The following OFD1 variants were observed in gnomAD, a reference collection of about 807,000 sequenced individuals.
The protein encoded by OFD1 is centriole and centriolar satellite protein OFD1.
A neutral mutation model predicts 81.4 loss-of-function variants in OFD1; 12 were observed. The observed-to-expected ratio is 0.15, with a 90% CI of 0.09 to 0.24. OFD1 has a LOEUF of 0.24. OFD1 is among the 10% of genes least tolerant of loss of function. OFD1 has a pLI of 1.00. For missense variants in OFD1, 685 were observed against 733.9 expected (o/e 0.93, Z 0.77); for synonymous variants, 256 against 263.7 (o/e 0.97, Z 0.28).
chrX:13,725,074 C>T, the OFD1 span, among the ~76,000 whole-genome samples: 1 of 113,032 alleles, frequency 8.8e-6, no homozygotes, highest in Non-Finnish European at 1.9e-5. Context: ...GCTGAGGCTT[C>T]AGTAGGTAAA....
downstream of OFD1, among the ~76,000 whole-genome samples, chrX:13,769,990 C>T (rs1305967631): frequency 8.9e-6 from 1 of 111,961 alleles, no homozygotes; most frequent in Non-Finnish European, 1.9e-5. Context: ...ATTATGGAAC[C>T]TTTGGTCCTC....
chrX:13,740,913 C>T (rs1447554578), intron 5 of OFD1, among the ~76,000 whole-genome samples: 3 of 109,256 alleles, frequency 2.7e-5, no homozygotes, highest in East Asian at 2.9e-4. Context: ...CTGAGGCGGG[C>T]GGATCACGAG....
At chrX:13,731,441 G>C (rs773852074), upstream of OFD1, among the ~76,000 whole-genome samples, 6 of 112,386 alleles carry the variant, frequency 5.3e-5, no homozygotes, top group East Asian at 1.7e-3. Context: ...ACTAGAACAA[G>C]TCATACCAAA....
chrX:13,765,507 A>G (rs2048092203), intron 19 of OFD1, among the ~76,000 whole-genome samples: 1 of 111,592 alleles, frequency 9.0e-6, no homozygotes, highest in South Asian at 3.8e-4. Flanking sequence ...ATTTCATGAG[A>G]AGGATTCAGA....
chrX:13,730,470 G>T (rs1294737250), upstream of OFD1, among the ~76,000 whole-genome samples: 1 of 112,025 alleles, frequency 8.9e-6, no homozygotes, highest in African/African-American at 3.2e-5. Context: ...CTGTTGGTGG[G>T]AGTGTAAATT....
At position 13,740,315 on chromosome X, in the gene OFD1, C is replaced by G. The variant is rs1374469899; in HGVS notation, c.412+1283C>G. On this transcript the variant is annotated intron_variant, in intron 5 of 22. Transcript: ENST00000340096. Reference sequence around the variant, plus strand: ...GCTGTTTAATGTGGTAGCTGCTATCCTCATGTGGCTTTTGAGCCTTGAAAT... The same window carrying G: ...GCTGTTTAATGTGGTAGCTGCTATCGTCATGTGGCTTTTGAGCCTTGAAAT... 3 of 433,073 alleles carry G rather than the reference C, an allele frequency of 6.9e-6. No individual in the cohort carries two copies. In the East Asian group the frequency reaches 2.8e-4, roughly 40 times the overall value. 35.7% of individuals were successfully genotyped at this position (433,073 alleles called of 1,213,427 possible). A position where few individuals can be genotyped will look rare whatever the true frequency, so the allele number is the denominator to read the frequency against.
At chrX:13,763,464 G>C (rs776283012) in intron 18 of OFD1, among the ~76,000 whole-genome samples, 6 of 112,755 alleles carry the variant, frequency 5.3e-5, no homozygotes, top group Non-Finnish European at 9.4e-5. Flanking sequence ...TGATCAGCAA[G>C]CCAATTGAAT....
Position 13,744,474 on chromosome X carries a change from A to G in OFD1, c.472A>G (p.Asn158Asp). ...AEYHQAKESC[N>D]METQTSSTFN... is the part of the protein sequence containing the mutation. ...ATATCATCAAGCTAAAGAGAGTTGT[A>G]ATATGGAAACTCAGACAAGTTCGAC... Residue 158 changes from asparagine to aspartate, a missense_variant, in exon 6 of 23, where the codon AAT (asparagine) becomes GAT (aspartate). Coordinates refer to ENST00000340096, the MANE Select transcript of OFD1 (RefSeq NM_003611.3). 6.7e-6 allele frequency: 8 copies of G among 1,188,145 alleles called. No homozygotes were observed. Among genetic ancestry groups the G allele is most frequent in the Non-Finnish European group, 9.1e-6 (8 of 874,775 alleles).
chrX:13,762,520 G>T, intron 18 of OFD1, 76 bp downstream of exon 18: 1 of 640,972 alleles, frequency 1.6e-6, no homozygotes, highest in Non-Finnish European at 2.5e-6. Context: ...CGTATCCATT[G>T]GTTTAAAAAG....
chrX:13,768,450 G>T (rs1446183241), intron 21 of OFD1, among the ~76,000 whole-genome samples: 1 of 112,167 alleles, frequency 8.9e-6, no homozygotes, highest in Admixed American at 9.4e-5. Flanking sequence ...ATTTTAATTT[G>T]TAAAAGTTGG....
Sources: gnomAD v4.1 joint callset for allele counts (sites outside exome capture counted in the v4.1 genomes callset) on GRCh38, gnomAD v4.1.1 for gene constraint, MANE v1.5 for transcripts, NCBI Gene and HGNC (gene_info 2026-07-23, HGNC 2026-07-21) for gene names.